The following NR4A3 variants were observed in gnomAD, a reference collection of about 807,000 sequenced individuals.
NR4A3 encodes the protein nuclear receptor subfamily 4 group A member 3, also known as chondrosarcoma, extraskeletal myxoid, fused to EWS.
A neutral mutation model predicts 55.6 loss-of-function variants in NR4A3; 13 were observed. The observed-to-expected ratio is 0.23, with a 90% CI of 0.15 to 0.37. The LOEUF (loss-of-function observed/expected upper bound fraction) is 0.37. NR4A3 is among the 10% of genes least tolerant of loss of function. The probability of loss-of-function intolerance (pLI) is 1.00; values close to 1 mark genes in which losing one functional copy is unlikely to be tolerated. For missense variants in NR4A3, 646 were observed against 822.8 expected (o/e 0.79, Z 2.63); for synonymous variants, 342 against 357.9 (o/e 0.96, Z 0.50).
At chr9:99,827,895 G>C (rs1012298224) in intron 2 of NR4A3, 146 bp from the exon 3 acceptor site, 1 of 1,033,254 alleles carries the variant, frequency 9.7e-7, no homozygotes. Flanking sequence ...TAAGTGTGGG[G>C]CTTTGTGTCT....
At chr9:99,844,369 C>T (rs1253405533) in intron 5 of NR4A3, among the ~76,000 whole-genome samples, 1 of 152,188 alleles carries the variant, frequency 6.6e-6, no homozygotes, top group Non-Finnish European at 1.5e-5. Context: ...TCAAGCTCCC[C>T]AGGTGATTGC....
At chr9:99,833,849 G>A (rs1827498520) in intron 5 of NR4A3, 2 of 1,274,136 alleles carry the variant, frequency 1.6e-6, no homozygotes, top group Non-Finnish European at 2.0e-6. Context: ...TTACTAAGCA[G>A]TTTATCCAAT....
Position 99,828,494 on chromosome 9 carries a change from A to T in NR4A3, c.452A>T (p.Gln151Leu). The T allele has an allele frequency of 1.3e-6, 2 of 1,579,974 alleles. No homozygotes were observed. The highest frequency in any genetic ancestry group is 1.7e-6 in the Non-Finnish European group (2 of 1,165,000). ...CCCACCACGCCGGCCTTCCCCCCGCAGGCGGGGGCGTTATGGGACGAGGCA... is the reference window on the plus strand; with the variant it reads ...CCCACCACGCCGGCCTTCCCCCCGCTGGCGGGGGCGTTATGGGACGAGGCA... The part of the protein sequence containing the change: ...STPTTPAFPP[Q>L]AGALWDEALP... Residue 151 changes from glutamine (Q) to leucine (L), a missense_variant, in exon 3 of 8, where the codon CAG (glutamine) becomes CTG (leucine). Physicochemically the swap from Gln to Leu is moderately radical, Grantham distance 113. Transcript: ENST00000395097. The surrounding 1 kb of genome is among the most constrained non-coding windows in gnomAD (Gnocchi z 7.7).
In NR4A3 at chr9:99,865,440, G is replaced by A. The variant is rs1828079905; in HGVS notation, c.*1573G>A. 1 of 181,758 alleles carries A rather than the reference G, an allele frequency of 5.5e-6. No individual in the cohort carries two copies. The highest frequency in any genetic ancestry group is 9.0e-5 in the East Asian group (1 of 11,092). 11.3% of individuals were successfully genotyped at this position (181,758 alleles called of 1,614,324 possible). ...TTGCAGTGACTTTTAAGGCAGTACT[G>A]TTTAGCACTTTGATATTAAAATTTT... On this transcript the variant is annotated 3_prime_UTR_variant, in exon 8 of 8. Transcript: ENST00000395097. This position sits in a 1 kb window ranked among gnomAD's most constrained non-coding sequence, Gnocchi z 4.3.
chr9:99,834,481 G>A (rs1827513985), intron 5 of NR4A3, among the ~76,000 whole-genome samples: 1 of 152,032 alleles, frequency 6.6e-6, no homozygotes, highest in Non-Finnish European at 1.5e-5. Context: ...CCTCCTACTT[G>A]AAGGAAAACA....
chr9:99,834,661 G>A (rs902553615), intron 5 of NR4A3: 1 of 337,584 alleles, frequency 3.0e-6, no homozygotes, highest in Non-Finnish European at 4.2e-6. Context: ...GGCAAACAGT[G>A]TGAGTGTGTC....
rs1827724302 is a variant in NR4A3 at position 99,844,729 on chromosome 9, T to C, written c.1335T>C (p.Ile445=). 6.2e-7 allele frequency: 1 copy of C among 1,614,064 alleles called. No individual in the cohort carries two copies. The highest frequency in any genetic ancestry group is 8.5e-7 in the Non-Finnish European group (1 of 1,180,014). ...TCTACAACCTCCTGACAGCCTCCAT[T>C]GATGTATCCAGAAGCTGGGCAGAAA... is the stretch of plus-strand genomic sequence containing the variant. ...QQFYNLLTAS[I]DVSRSWAEKI... The change falls in exon 6 of 8, where the codon ATT becomes ATC. Residue 445 remains isoleucine (I), a synonymous_variant. Coordinates refer to ENST00000395097, the MANE Select transcript of NR4A3 (RefSeq NM_006981.4).
chr9:99,857,757 A>AATAC (rs1394078093), intron 7 of NR4A3, among the ~76,000 whole-genome samples: 6 of 147,506 alleles, frequency 4.1e-5, no homozygotes, highest in Non-Finnish European at 6.0e-5. Flanking sequence ...CTGTCTCACA[A>AATAC]ATAAATAAAT....
intron 5 of NR4A3, among the ~76,000 whole-genome samples, chr9:99,843,870 C>T (rs1827701535): frequency 6.6e-6 from 1 of 152,056 alleles, no homozygotes; most frequent in African/African-American, 2.4e-5. Flanking sequence ...TCTCGTGCCT[C>T]AGCCTCCCGA....
Position 99,826,918 on chromosome 9 carries a change from C to A in NR4A3, c.-3+1086C>A, listed in dbSNP as rs1827305408. On this transcript the variant is annotated intron_variant, in intron 2 of 7. Transcript: ENST00000395097. ...CTGGTTTTCCTTTGGCTCAGAAAAA[C>A]CAACCACCAAAAACCGCCGTTTTTT... 1.1e-5 allele frequency: 11 copies of A among 1,023,206 alleles called. No homozygotes were observed. The South Asian group carries it at 1.2e-4, about 11-fold the overall frequency. The allele number at this position is 1,023,206 out of a possible 1,614,324, so 63.4% of individuals were successfully genotyped here.
rs936025000 is a variant in NR4A3, at chr9:99,864,195, A to G, written c.*328A>G. Reference sequence around the variant, plus strand: ...TCCCAGCAGGAAAAAAAAGGATAATATAACTGTTTTAAAACTCTTTCTGGG... The same window carrying G: ...TCCCAGCAGGAAAAAAAAGGATAATGTAACTGTTTTAAAACTCTTTCTGGG... On this transcript the variant is annotated 3_prime_UTR_variant, in exon 8 of 8. Transcript: ENST00000395097. The G allele has an allele frequency of 6.9e-6, 2 of 289,312 alleles. No individual in the cohort carries two copies. The highest frequency in any genetic ancestry group is 1.3e-5 in the Non-Finnish European group (2 of 152,048). The allele number at this position is 289,312 out of a possible 1,614,324, so 17.9% of individuals were successfully genotyped here. A position where few individuals can be genotyped will look rare whatever the true frequency, so the allele number is the denominator to read the frequency against.
rs1203170433 is a variant in NR4A3, at chr9:99,865,957, G to A, written c.*2090G>A. 4.6e-6 allele frequency: 1 copy of A among 219,592 alleles called. No individual in the cohort carries two copies. Among genetic ancestry groups the A allele is most frequent in the Non-Finnish European group, 9.1e-6 (1 of 109,390 alleles). The allele number at this position is 219,592 out of a possible 1,614,324, so 13.6% of individuals were successfully genotyped here. ...AGCAAACTGGGGCCCATTGAAGGGT[G>A]AAGAGTTACTCAAGGTCAAACAGCT... On this transcript the variant is annotated 3_prime_UTR_variant, in exon 8 of 8. Transcript: ENST00000395097. The surrounding 1 kb of genome is among the most constrained non-coding windows in gnomAD (Gnocchi z 4.3).
At chr9:99,840,302 T>C (rs1421276131) in intron 5 of NR4A3, among the ~76,000 whole-genome samples, 1 of 152,168 alleles carries the variant, frequency 6.6e-6, no homozygotes, top group Non-Finnish European at 1.5e-5. Flanking sequence ...AGGCATGAAA[T>C]GTGAGCCCAG....
Position 99,847,512 on chromosome 9 carries a change from T to A in NR4A3, c.1530T>A (p.Phe510Leu). ...ATCGACTTCAGTGCCTTCGTGGATT[T>A]GGGGAGTGGCTCGACTCTATTAAAG... is the stretch of plus-strand genomic sequence containing the variant. Reference protein sequence around the residue: ...VLHRLQCLRGFGEWLDSIKDF... With the variant: ...VLHRLQCLRGLGEWLDSIKDF... The change falls in exon 7 of 8, where the codon TTT becomes TTA. Residue 510 changes from phenylalanine (F) to leucine (L), a missense_variant. Around this residue, in one of 5 missense-constraint regions of NR4A3, gnomAD observed 163 missense variants for 233.0 expected, o/e 0.70. Transcript: ENST00000395097. 1 of 1,614,214 alleles carries A rather than the reference T, an allele frequency of 6.2e-7. No homozygotes were observed. The highest frequency in any genetic ancestry group is 8.5e-7 in the Non-Finnish European group (1 of 1,180,030).
In NR4A3 at chr9:99,864,977, T is replaced by TTC. The variant is rs1232054188; in HGVS notation, c.*1111_*1112insCT. On this transcript the variant is annotated 3_prime_UTR_variant, in exon 8 of 8. Transcript: ENST00000395097. ...GACAATTTTGGAGAGCAAGCAAATCTTTTTAAAAAATAGTATGAATGTGAA... is the reference window on the plus strand; with the variant it reads ...GACAATTTTGGAGAGCAAGCAAATCTTCTTTTAAAAAATAGTATGAATGTGAA... 6 of 199,746 alleles carry TTC rather than the reference T, an allele frequency of 3.0e-5. No homozygotes were observed. Among genetic ancestry groups the TTC allele is most frequent in the Non-Finnish European group, 5.2e-5 (5 of 96,672 alleles). The allele number at this position is 199,746 out of a possible 1,614,324, so 12.4% of individuals were successfully genotyped here.
At position 99,822,100 on chromosome 9, in the gene NR4A3, G is replaced by A. The variant is rs1000520283; in HGVS notation, c.-484G>A. 2 of 152,838 alleles carry A rather than the reference G, an allele frequency of 1.3e-5. No homozygotes were observed. The highest frequency in any genetic ancestry group is 1.3e-4 in the Admixed American group (2 of 15,294). 9.5% of individuals were successfully genotyped at this position (152,838 alleles called of 1,614,324 possible). A position where few individuals can be genotyped will look rare whatever the true frequency, so the allele number is the denominator to read the frequency against. On this transcript the variant is annotated 5_prime_UTR_variant, in exon 1 of 8. Coordinates refer to ENST00000395097, the MANE Select transcript of NR4A3 (RefSeq NM_006981.4). The surrounding 1 kb of genome is among the most constrained non-coding windows in gnomAD (Gnocchi z 4.9). ...CTTGCCGGTGCAGCGCGGCGCCGCAGCTGGACGCCCCTCCCGGGCTCACTT... is the reference window on the plus strand; with the variant it reads ...CTTGCCGGTGCAGCGCGGCGCCGCAACTGGACGCCCCTCCCGGGCTCACTT...
In NR4A3 at chr9:99,828,458, C is replaced by T; in HGVS notation, c.416C>T (p.Pro139Leu). ...PSTSMYFKQS[P>L]PSTPTTPAFP... ...ACCTCCATGTACTTCAAGCAGTCCC[C>T]ACCGTCCACCCCCACCACGCCGGCC... Residue 139 changes from proline (P) to leucine (L), a missense_variant, in exon 3 of 8, where the codon CCA becomes CTA. Transcript: ENST00000395097. The surrounding 1 kb of genome is among the most constrained non-coding windows in gnomAD (Gnocchi z 7.7). 6.3e-7 allele frequency: 1 copy of T among 1,578,546 alleles called. No homozygotes were observed. Among genetic ancestry groups the T allele is most frequent in the East Asian group, 2.2e-5 (1 of 44,572 alleles).
intron 6 of NR4A3, 38 bp from the exon 7 acceptor site, chr9:99,847,399 C>G (rs555001229): frequency 1.2e-5 from 19 of 1,591,190 alleles, no homozygotes; most frequent in Non-Finnish European, 4.3e-6. Context: ...ACAGATTGAA[C>G]AGACCTGTTT....
In NR4A3 at chr9:99,828,033, C is replaced by T; in HGVS notation, c.-2-8C>T. 1.9e-6 allele frequency: 3 copies of T among 1,608,140 alleles called. No homozygotes were observed. Among genetic ancestry groups the T allele is most frequent in the Non-Finnish European group, 2.5e-6 (3 of 1,176,664 alleles). On this transcript the variant is annotated splice_region_variant and splice_polypyrimidine_tract_variant and intron_variant, in intron 2 of 7. Transcript: ENST00000395097. This position sits in a 1 kb window ranked among gnomAD's most constrained non-coding sequence, Gnocchi z 7.7. ...GCTTCTGAGAGACCCTTTTCTCTGT[C>T]CCTGCAGATATGCCCTGCGTCCAAG...
Sources: gnomAD v4.1 joint callset for allele counts (sites outside exome capture counted in the v4.1 genomes callset) on GRCh38, gnomAD v4.1.1 for gene constraint, gnomAD v4.1.1 regional missense constraint, Gnocchi (gnomAD v3.1) non-coding constraint, MANE v1.5 for transcripts, NCBI Gene and HGNC (gene_info 2026-07-23, HGNC 2026-07-21) for gene names.